The following GRM5 variants were observed in gnomAD, a reference collection of about 807,000 sequenced individuals.
The protein encoded by GRM5 is glutamate metabotropic receptor 5.
Under a neutral mutation model 83.1 loss-of-function variants are expected in GRM5, and 19 were observed. That is an observed-to-expected ratio of 0.23 (90% confidence interval 0.16 to 0.34). The LOEUF is 0.34. GRM5 is among the 10% of genes least tolerant of loss of function. The pLI is 1.00. For missense variants in GRM5, 1,160 were observed against 1,588.3 expected (o/e 0.73, Z 4.58); for synonymous variants, 675 against 633.6 (o/e 1.07, Z -0.98).
chr11:88,834,980 T>C (rs189967035), intron 3 of GRM5, among the ~76,000 whole-genome samples: 2 of 151,836 alleles, frequency 1.3e-5, no homozygotes, highest in East Asian at 3.9e-4. Flanking sequence ...TACTGCCATT[T>C]TTCCCCCCCT....
Position 88,777,822 on chromosome 11 carries a change from G to A in GRM5, c.911+72084C>T, listed in dbSNP as rs189360826. Among the ~76,000 whole-genome samples the A allele has an allele frequency of 7.9e-5, 12 of 152,192 alleles. No homozygotes were observed. The East Asian group carries it at 2.1e-3, about 27-fold the overall frequency. On this transcript the variant is annotated intron_variant, in intron 3 of 9. Transcript: ENST00000305447. Reference sequence around the variant, plus strand: ...AATATTGCTGCCTGATCCTTCCTCTGGAAGCTTCGTTTCAGAGGAGCAGCC... The same window carrying A: ...AATATTGCTGCCTGATCCTTCCTCTAGAAGCTTCGTTTCAGAGGAGCAGCC...
intron 8 of GRM5, among the ~76,000 whole-genome samples, chr11:88,527,653 C>A (rs889130413): frequency 1.3e-5 from 2 of 152,102 alleles, no homozygotes; most frequent in African/African-American, 2.4e-5. Context: ...ATGTTCACTG[C>A]AGCACTATTC....
intron 8 of GRM5, among the ~76,000 whole-genome samples, chr11:88,529,536 A>G (rs1406745623): frequency 6.6e-6 from 1 of 151,932 alleles, no homozygotes; most frequent in Non-Finnish European, 1.5e-5. Context: ...CAAAGGGGAA[A>G]GCAGATGGAG....
chr11:88,916,372 A>G (rs1341550840), intron 2 of GRM5, among the ~76,000 whole-genome samples: 2 of 152,120 alleles, frequency 1.3e-5, no homozygotes, highest in Non-Finnish European at 2.9e-5. Context: ...GAGTGCATTG[A>G]TTTTGAGACT....
chr11:88,807,434 T>C (rs1943516626), intron 3 of GRM5, among the ~76,000 whole-genome samples: 2 of 152,026 alleles, frequency 1.3e-5, no homozygotes, highest in Admixed American at 1.3e-4. Context: ...ACAATAGGAG[T>C]GTTATTTTAA....
intron 2 of GRM5, among the ~76,000 whole-genome samples, chr11:88,909,627 G>T (rs1448420219): frequency 2.6e-5 from 4 of 151,198 alleles, no homozygotes; most frequent in Non-Finnish European, 5.9e-5. Context: ...ACTTAAATTT[G>T]CTTATTTCTA....
chr11:88,984,945 C>T lies in GRM5; in HGVS notation c.661+62267G>A. The stretch of plus-strand genomic sequence containing the variant: ...TTTAAATGCCATTTTAATAATTTGA[C>T]TCACTTTTTTTCTAATCACAGTATT... On this transcript the variant is annotated intron_variant, in intron 2 of 9. Coordinates refer to ENST00000305447, the MANE Select transcript of GRM5 (RefSeq NM_001143831.3). 3 of 589,048 alleles carry T rather than the reference C, an allele frequency of 5.1e-6. No individual in the cohort carries two copies. In the South Asian group the frequency reaches 6.9e-5, roughly 13 times the overall value. 36.5% of individuals were successfully genotyped at this position (589,048 alleles called of 1,614,324 possible).
At chr11:88,531,600 T>A (rs1196546337) in intron 8 of GRM5, among the ~76,000 whole-genome samples, 2 of 152,144 alleles carry the variant, frequency 1.3e-5, no homozygotes, top group African/African-American at 4.8e-5. Flanking sequence ...ACATGTTTTC[T>A]CATAGAAATT....
chr11:88,736,466 G>A (rs7942131), intron 3 of GRM5, among the ~76,000 whole-genome samples: 1,641 of 152,084 alleles, frequency 0.011, 25 homozygotes, highest in African/African-American at 0.037. Context: ...TCAAAAACAG[G>A]GCAGGTTGAT....
intron 3 of GRM5, among the ~76,000 whole-genome samples, chr11:88,698,690 T>A (rs765240933): frequency 3.0e-4 from 45 of 152,196 alleles, no homozygotes; most frequent in Non-Finnish European, 5.7e-4. Flanking sequence ...TTTTATTTCC[T>A]TGTTAATAAT....
chr11:88,623,168 C>A (rs1216979964), intron 4 of GRM5, among the ~76,000 whole-genome samples: 1 of 152,164 alleles, frequency 6.6e-6, no homozygotes, highest in African/African-American at 2.4e-5. Flanking sequence ...TTACTGCAAC[C>A]TCTGCCTCCC....
chr11:88,935,324 A>T (rs1937855037), intron 2 of GRM5, among the ~76,000 whole-genome samples: 1 of 149,548 alleles, frequency 6.7e-6, no homozygotes, highest in African/African-American at 2.5e-5. Context: ...GATCACATAG[A>T]TGAAGACAAA....
chr11:88,744,875 A>C (rs186098511), intron 3 of GRM5, among the ~76,000 whole-genome samples: 9 of 152,308 alleles, frequency 5.9e-5, no homozygotes, highest in African/African-American at 2.2e-4. Flanking sequence ...GGTAAGTCCT[A>C]CATACTCCAG....
At chr11:88,786,633 C>A (rs934582117) in intron 3 of GRM5, among the ~76,000 whole-genome samples, 6 of 152,112 alleles carry the variant, frequency 3.9e-5, no homozygotes. Context: ...ATGGCTCCCC[C>A]TGCCCCATCT....
At chr11:88,898,364 T>C (rs1206368165) in intron 2 of GRM5, among the ~76,000 whole-genome samples, 3 of 152,040 alleles carry the variant, frequency 2.0e-5, no homozygotes, top group African/African-American at 4.8e-5. Context: ...GGTCACATTC[T>C]GTAGTAATGG....
At position 89,018,383 on chromosome 11, in the gene GRM5, T is replaced by C. The variant is rs150322910; in HGVS notation, c.661+28829A>G. ...GTACTGTGGCGAGATCCCTCAGTCA[T>C]TGTTCTTTTCAACATCATATCAGTA... On this transcript the variant is annotated intron_variant, in intron 2 of 9. Transcript: ENST00000305447. Among the ~76,000 whole-genome samples the C allele has an allele frequency of 9.8e-5, 15 of 152,288 alleles. No homozygotes were observed. In the East Asian group the frequency reaches 2.9e-3, roughly 29 times the overall value.
intron 3 of GRM5, among the ~76,000 whole-genome samples, chr11:88,752,168 T>C (rs958020298): frequency 6.6e-5 from 10 of 152,190 alleles, no homozygotes; most frequent in African/African-American, 2.4e-4. Flanking sequence ...AAATTATCTT[T>C]GTTTGCAGAT....
intron 3 of GRM5, among the ~76,000 whole-genome samples, chr11:88,757,836 T>A (rs1000495202): frequency 6.6e-6 from 1 of 152,088 alleles, no homozygotes. Context: ...GCACCTCCCA[T>A]TGATGTTTAG....
intron 7 of GRM5, among the ~76,000 whole-genome samples, chr11:88,573,729 C>A (rs1459840085): frequency 6.6e-6 from 1 of 152,180 alleles, no homozygotes; most frequent in Non-Finnish European, 1.5e-5. Flanking sequence ...CTGTCCAGAG[C>A]ACAAGGTGTT....
Sources: gnomAD v4.1 joint callset for allele counts (sites outside exome capture counted in the v4.1 genomes callset) on GRCh38, gnomAD v4.1.1 for gene constraint, MANE v1.5 for transcripts, NCBI Gene and HGNC (gene_info 2026-07-23, HGNC 2026-07-21) for gene names.